Variants in C1GALT1 observed in about 807,000 individuals in gnomAD.
C1GALT1 encodes core 1 synthase, glycoprotein-N-acetylgalactosamine 3-beta-galactosyltransferase 1, also known as glycoprotein-N-acetylgalactosamine 3-beta-galactosyltransferase 1.
Under a neutral mutation model 31.0 loss-of-function variants are expected in C1GALT1, and 11 were observed. The ratio of observed to expected loss-of-function variants is 0.36; its 90% confidence interval spans 0.22 to 0.59. C1GALT1 has a LOEUF of 0.59. Ranked by LOEUF, C1GALT1 falls within the 20% of genes least tolerant of loss-of-function variation. C1GALT1 has a pLI of 0.79. For synonymous variants in C1GALT1, 175 were observed against 143.6 expected (o/e 1.22, Z -1.56); for missense variants, 424 against 425.2 (o/e 1.00, Z 0.03).
intron 1 of C1GALT1, among the ~76,000 whole-genome samples, chr7:7,190,797 A>G (rs2128231677): frequency 6.6e-6 from 1 of 152,270 alleles, no homozygotes. Context: ...GCCCCTTTCC[A>G]GAATTTCCCA....
intron 1 of C1GALT1, among the ~76,000 whole-genome samples, chr7:7,183,190 C>T (rs1780662866): frequency 6.6e-6 from 1 of 151,980 alleles, no homozygotes; most frequent in East Asian, 2.0e-4. Context: ...GACCACTTAG[C>T]GGTCCTGCCC....
chr7:7,218,982 C>T (rs1408128580), intron 1 of C1GALT1, among the ~76,000 whole-genome samples: 12 of 151,984 alleles, frequency 7.9e-5, no homozygotes, highest in South Asian at 2.1e-4. Context: ...TACAGGCGCC[C>T]GCCACCACAC....
chr7:7,237,821 A>C (rs887517272), intron 2 of C1GALT1, among the ~76,000 whole-genome samples: 1 of 152,146 alleles, frequency 6.6e-6, no homozygotes, highest in African/African-American at 2.4e-5. Context: ...TAATCTATTA[A>C]AAACTGGCTG....
intron 2 of C1GALT1, among the ~76,000 whole-genome samples, chr7:7,174,629 A>G (rs551978033): frequency 2.0e-5 from 3 of 152,198 alleles, no homozygotes; most frequent in African/African-American, 4.8e-5. Context: ...CCAACAACAA[A>G]TGAAAATTTC....
chr7:7,234,247 C>T lies in C1GALT1; in HGVS notation c.-17-56C>T, dbSNP rs1783230050. 5.4e-6 allele frequency: 7 copies of T among 1,296,238 alleles called. No individual in the cohort carries two copies. The South Asian group carries it at 8.1e-5, about 15-fold the overall frequency. 80.3% of individuals were successfully genotyped at this position (1,296,238 alleles called of 1,614,324 possible). ...GCTAAATGTTACCAGAATTTTTACTCCGGTTATGTATACAGCTTTGATTTT... is the reference window on the plus strand; with the variant it reads ...GCTAAATGTTACCAGAATTTTTACTTCGGTTATGTATACAGCTTTGATTTT... On this transcript the variant is annotated intron_variant, in intron 1 of 3. Transcript: ENST00000436587.
intron 3 of C1GALT1, 109 bp from the exon 4 acceptor site, chr7:7,243,413 ATC>A: frequency 1.1e-6 from 1 of 876,590 alleles, no homozygotes; most frequent in Non-Finnish European, 1.7e-6. Flanking sequence ...TTACCTTGCC[ATC>A]TTTAATGTTT....
At chr7:7,217,361 G>A (rs922775779) in intron 1 of C1GALT1, among the ~76,000 whole-genome samples, 2 of 151,014 alleles carry the variant, frequency 1.3e-5, no homozygotes, top group Non-Finnish European at 2.9e-5. Context: ...TCCCCTACCT[G>A]CCCCCACCTT....
chr7:7,214,672 A>G (rs924839862), intron 1 of C1GALT1, among the ~76,000 whole-genome samples: 1 of 152,220 alleles, frequency 6.6e-6, no homozygotes, highest in African/African-American at 2.4e-5. Flanking sequence ...AGACTGAGAC[A>G]GTGAAAGAGA....
intron 2 of C1GALT1, among the ~76,000 whole-genome samples, chr7:7,165,903 C>T (rs1562551587): frequency 6.6e-6 from 1 of 152,146 alleles, no homozygotes; most frequent in Non-Finnish European, 1.5e-5. Flanking sequence ...AAATTACCAT[C>T]AGGTTATGTG....
chr7:7,219,550 TAAA>T (rs776318821), intron 1 of C1GALT1, among the ~76,000 whole-genome samples: 24 of 152,190 alleles, frequency 1.6e-4, no homozygotes, highest in Non-Finnish European at 3.1e-4. Flanking sequence ...TAATTTCTAA[TAAA>T]AATCTAATCA....
chr7:7,176,389 T>A (rs928189100), intron 2 of C1GALT1, among the ~76,000 whole-genome samples: 1 of 152,232 alleles, frequency 6.6e-6, no homozygotes, highest in Non-Finnish European at 1.5e-5. Context: ...ATTTACTCCT[T>A]TGGGATTTCA....
In C1GALT1 at chr7:7,234,313, T is replaced by G. The variant is rs572875400; in HGVS notation, c.-7T>G. ...TTTTTGTTCTTACAGAAATACACTT[T>G]CGGGAAATGGCCTCTAAATCCTGGC... On this transcript the variant is annotated 5_prime_UTR_variant, in exon 2 of 4. Transcript: ENST00000436587. 6.2e-7 allele frequency: 1 copy of G among 1,612,124 alleles called. No individual in the cohort carries two copies. Among genetic ancestry groups the G allele is most frequent in the East Asian group, 2.2e-5 (1 of 44,808 alleles).
In C1GALT1 at chr7:7,210,717, A is replaced by C. The variant is rs555135467; in HGVS notation, c.-17-23586A>C. The stretch of plus-strand genomic sequence containing the variant: ...TTTTAATATGCAAATACATGGCGCC[A>C]TGATGTTCTACGCTCGTCGGGATTC... On this transcript the variant is annotated intron_variant, in intron 1 of 3. Coordinates refer to ENST00000436587, the MANE Select transcript of C1GALT1 (RefSeq NM_020156.5). 2.6e-5 allele frequency: 4 copies of C among 152,164 alleles called. No individual in the cohort carries two copies. In the East Asian group the frequency reaches 5.8e-4, roughly 22 times the overall value. 9.4% of individuals were successfully genotyped at this position (152,164 alleles called of 1,614,324 possible).
At position 7,234,410 on chromosome 7, in the gene C1GALT1, T is replaced by C. The variant is rs1213418694; in HGVS notation, c.91T>C (p.Leu31=). ...ATGTTCTCAGCTATTTAGTATTTTGTTGGGAGAAAAGGTTGACACCCAGCC... is the reference window on the plus strand; with the variant it reads ...ATGTTCTCAGCTATTTAGTATTTTGCTGGGAGAAAAGGTTGACACCCAGCC... ...LLCSQLFSIL[L]GEKVDTQPNV... is the part of the protein sequence containing the mutation. Residue 31 remains leucine, a synonymous_variant, in exon 2 of 4, where the codon TTG becomes CTG. Transcript: ENST00000436587. 1 of 1,613,798 alleles carries C rather than the reference T, an allele frequency of 6.2e-7. No individual in the cohort carries two copies. The highest frequency in any genetic ancestry group is 1.7e-5 in the Admixed American group (1 of 60,012).
chr7:7,234,585 C>T, intron 2 of C1GALT1, 46 bp downstream of exon 2: 1 of 1,429,146 alleles, frequency 7.0e-7, no homozygotes, highest in Non-Finnish European at 9.7e-7. Flanking sequence ...GTATTTTAGT[C>T]TAAATTTTGT....
chr7:7,208,745 C>T (rs1258810497), intron 1 of C1GALT1, among the ~76,000 whole-genome samples: 1 of 152,118 alleles, frequency 6.6e-6, no homozygotes, highest in African/African-American at 2.4e-5. Context: ...ATTTGGAGGA[C>T]GGGGTCCTTA....
chr7:7,195,685 A>G (rs544559644), intron 1 of C1GALT1, among the ~76,000 whole-genome samples: 13 of 152,122 alleles, frequency 8.5e-5, no homozygotes, highest in African/African-American at 1.4e-4. Context: ...TGTTAAGTCA[A>G]TTTGTTCTGG....
chr7:7,239,912 A>G (rs774704694), intron 3 of C1GALT1, among the ~76,000 whole-genome samples: 4 of 152,298 alleles, frequency 2.6e-5, no homozygotes, highest in Admixed American at 2.6e-4. Flanking sequence ...TGTGTTCACT[A>G]TTATAAGCAT....
intron 2 of C1GALT1, among the ~76,000 whole-genome samples, chr7:7,168,618 C>T (rs1200796442): frequency 6.6e-6 from 1 of 152,138 alleles, no homozygotes; most frequent in East Asian, 1.9e-4. Flanking sequence ...CAAAATATTT[C>T]ATCAACTAGG....
Sources: allele counts gnomAD v4.1 joint callset (sites outside exome capture counted in the v4.1 genomes callset), GRCh38; gene constraint gnomAD v4.1.1; transcripts MANE v1.5; gene names NCBI Gene and HGNC (gene_info 2026-07-23, HGNC 2026-07-21).